Variants in EVA1C observed in about 807,000 individuals in gnomAD.
The protein encoded by EVA1C is protein eva-1 homolog C.
EVA1C carries 25 observed loss-of-function variants against 45.4 expected under a neutral mutation model. That is an observed-to-expected ratio of 0.55 (90% CI 0.40 to 0.77). The LOEUF (loss-of-function observed/expected upper bound fraction) is 0.77, where lower values mean the gene tolerates loss of function less well. Among genes scored for constraint, EVA1C ranks in the 30% least tolerant of loss-of-function variants. The probability of loss-of-function intolerance (pLI) is 0.00; values close to 1 mark genes in which losing one functional copy is unlikely to be tolerated. For missense variants in EVA1C, 479 were observed against 554.8 expected (o/e 0.86, Z 1.37); for synonymous variants, 190 against 221.2 (o/e 0.86, Z 1.25).
In EVA1C at chr21:32,467,684, T is replaced by G. The variant is rs111977143; in HGVS notation, c.482-12T>G. The G allele has an allele frequency of 0.18, 288,617 of 1,599,100 alleles. 27,400 individuals are homozygous for G. The highest frequency in any genetic ancestry group is 0.27 in the Admixed American group (15,597 of 57,646). ...AAGCTGATGGTGCCTTCAATTTTTGTTTTTGCTTCAGATGAATTAAAAAAC... is the reference window on the plus strand; with the variant it reads ...AAGCTGATGGTGCCTTCAATTTTTGGTTTTGCTTCAGATGAATTAAAAAAC... On this transcript the variant is annotated splice_polypyrimidine_tract_variant and intron_variant, in intron 3 of 7. Transcript: ENST00000300255.
chr21:32,440,197 T>C (rs2035122773), intron 1 of EVA1C, among the ~76,000 whole-genome samples: 4 of 152,202 alleles, frequency 2.6e-5, no homozygotes, highest in Admixed American at 2.6e-4. Context: ...AGATCAAGTA[T>C]AGATTTCATA....
chr21:32,497,208 G>C (rs2037381057), intron 5 of EVA1C: 3 of 814,428 alleles, frequency 3.7e-6, no homozygotes, highest in Non-Finnish European at 6.5e-6. Context: ...TGGGTTAAGG[G>C]AAAAACCGTC....
intron 3 of EVA1C, among the ~76,000 whole-genome samples, chr21:32,464,574 C>T (rs1324231768): frequency 6.6e-6 from 1 of 152,002 alleles, no homozygotes; most frequent in Non-Finnish European, 1.5e-5. Context: ...GTAATCCCAG[C>T]AATTTGGGAG....
chr21:32,513,014 T>TATTATAATACTTACAATAATATAATAAGC lies in EVA1C; in HGVS notation c.950-1776_950-1748dup, dbSNP rs1601086191. ...ATAATACTTACAATAATATAGTAAG[T>TATTATAATACTTACAATAATATAATAAGC]ATTATAATACTTACAATAATATAAT... On this transcript the variant is annotated intron_variant, in intron 7 of 7. Transcript: ENST00000300255. Among the ~76,000 whole-genome samples, 7 of 151,434 alleles carry TATTATAATACTTACAATAATATAATAAGC rather than the reference T, an allele frequency of 4.6e-5. No individual in the cohort carries two copies. In the East Asian group the frequency reaches 1.4e-3, roughly 29 times the overall value.
intron 4 of EVA1C, among the ~76,000 whole-genome samples, chr21:32,469,780 T>C (rs2036304998): frequency 6.6e-6 from 1 of 152,190 alleles, no homozygotes; most frequent in African/African-American, 2.4e-5. Flanking sequence ...GATTCCTTTT[T>C]AGGGAAACCT....
intron 1 of EVA1C, among the ~76,000 whole-genome samples, chr21:32,427,560 A>G (rs954352338): frequency 1.3e-5 from 2 of 152,092 alleles, no homozygotes; most frequent in African/African-American, 2.4e-5. Flanking sequence ...TAAAAATACA[A>G]AAATTAGCTG....
intron 1 of EVA1C, among the ~76,000 whole-genome samples, chr21:32,436,819 G>A (rs571606652): frequency 2.6e-4 from 39 of 151,920 alleles, no homozygotes; most frequent in Middle Eastern, 6.8e-3. Context: ...CTGGTGTCTC[G>A]TCTGCCCACG....
chr21:32,514,945 C>T lies in EVA1C; in HGVS notation c.1081C>T (p.Leu361=), dbSNP rs1040885457. The change falls in exon 8 of 8, where the codon CTG becomes TTG. Residue 361 remains leucine (L), a synonymous_variant. Transcript: ENST00000300255. ...FRDLQLGREQ[L]VPGSDKVEED... Reference sequence around the variant, plus strand: ...CGACTTGCAGCTGGGGAGGGAGCAGCTGGTGCCAGGAAGTGACAAGGTCGA... The same window carrying T: ...CGACTTGCAGCTGGGGAGGGAGCAGTTGGTGCCAGGAAGTGACAAGGTCGA... 2.5e-6 allele frequency: 4 copies of T among 1,614,112 alleles called. No homozygotes were observed. In the South Asian group the frequency reaches 3.3e-5, roughly 13 times the overall value.
At chr21:32,507,351 G>GGT (rs373383426) in intron 7 of EVA1C, among the ~76,000 whole-genome samples, 43 of 152,084 alleles carry the variant, frequency 2.8e-4, no homozygotes, top group Admixed American at 5.2e-4. Context: ...GAAAAGGAGT[G>GGT]GTGTGTGTGT....
intron 1 of EVA1C, among the ~76,000 whole-genome samples, chr21:32,449,940 G>A (rs931373481): frequency 7.2e-5 from 11 of 152,152 alleles, no homozygotes; most frequent in Admixed American, 2.0e-4. Context: ...GGTTTTTGAA[G>A]AAGGAATTGA....
rs570859009 is a variant in EVA1C, at chr21:32,497,278, A to C, written c.778+2108A>C. 3.7e-5 allele frequency: 27 copies of C among 720,872 alleles called. No homozygotes were observed. The East Asian group carries it at 4.5e-4, about 12-fold the overall frequency. The allele number at this position is 720,872 out of a possible 1,614,324, so 44.7% of individuals were successfully genotyped here. On this transcript the variant is annotated intron_variant, in intron 5 of 7. Coordinates refer to ENST00000300255, the MANE Select transcript of EVA1C (RefSeq NM_058187.5). ...CTTGTGAACACATGACATTAGATCA[A>C]AGAAAACAAATCTCCAGATTGGCAG...
chr21:32,436,974 A>G (rs778383187), intron 1 of EVA1C, among the ~76,000 whole-genome samples: 1 of 152,146 alleles, frequency 6.6e-6, no homozygotes, highest in Non-Finnish European at 1.5e-5. Context: ...AGCCTAGCCC[A>G]TATGGTGAAA....
chr21:32,444,494 C>T (rs2035296438), intron 1 of EVA1C, among the ~76,000 whole-genome samples: 1 of 152,170 alleles, frequency 6.6e-6, no homozygotes, highest in Non-Finnish European at 1.5e-5. Flanking sequence ...GATGAAGAGA[C>T]ACATAGGGAA....
At chr21:32,505,188 A>G (rs1345790826) in intron 7 of EVA1C, among the ~76,000 whole-genome samples, 1 of 152,108 alleles carries the variant, frequency 6.6e-6, no homozygotes, top group African/African-American at 2.4e-5. Flanking sequence ...GAATGATCTC[A>G]ATACATGAGA....
At chr21:32,505,493 T>C (rs910177504) in intron 7 of EVA1C, among the ~76,000 whole-genome samples, 2 of 152,332 alleles carry the variant, frequency 1.3e-5, no homozygotes, top group Non-Finnish European at 2.9e-5. Context: ...AGACCGACAT[T>C]GCGCTCAGTG....
intron 4 of EVA1C, among the ~76,000 whole-genome samples, chr21:32,489,008 C>A (rs1463399067): frequency 1.3e-5 from 2 of 152,148 alleles, no homozygotes; most frequent in Non-Finnish European, 1.5e-5. Context: ...GAATATTAAC[C>A]CCTTATCAGA....
At chr21:32,433,991 TCTG>T (rs2034821521) in intron 1 of EVA1C, among the ~76,000 whole-genome samples, 1 of 151,822 alleles carries the variant, frequency 6.6e-6, no homozygotes, top group African/African-American at 2.4e-5. Flanking sequence ...GACCCCCATC[TCTG>T]TTAAAAAATA....
chr21:32,506,556 G>A (rs1002353722), intron 7 of EVA1C, among the ~76,000 whole-genome samples: 14 of 151,908 alleles, frequency 9.2e-5, no homozygotes, highest in Admixed American at 3.3e-4. Flanking sequence ...CAAGAAGCTC[G>A]TGACTCAAAT....
chr21:32,490,426 G>A (rs2037117536), intron 4 of EVA1C, among the ~76,000 whole-genome samples: 1 of 152,164 alleles, frequency 6.6e-6, no homozygotes, highest in South Asian at 2.1e-4. Context: ...GACTTGGTCA[G>A]ATGGGTGGTG....
Sources: allele counts gnomAD v4.1 joint callset (sites outside exome capture counted in the v4.1 genomes callset), GRCh38; gene constraint gnomAD v4.1.1; transcripts MANE v1.5; gene names NCBI Gene and HGNC (gene_info 2026-07-23, HGNC 2026-07-21).